NDST3: variants seen among roughly 807,000 people sequenced by gnomAD.
NDST3 encodes the protein N-deacetylase and N-sulfotransferase 3.
NDST3 carries 58 observed loss-of-function variants against 96.1 expected under a neutral mutation model. The observed-to-expected ratio is 0.60, with a 90% confidence interval of 0.49 to 0.75. The LOEUF (loss-of-function observed/expected upper bound fraction) is 0.75. Ranked by LOEUF, NDST3 falls within the 30% of genes least tolerant of loss-of-function variation. NDST3 has a pLI of 0.00. For synonymous variants in NDST3, 333 were observed against 359.7 expected, an observed-to-expected ratio of 0.93 and a Z score of 0.84; for missense variants, 788 against 1,034.2, an observed-to-expected ratio of 0.76 and a Z score of 3.27.
intron 4 of NDST3, among the ~76,000 whole-genome samples, chr4:118,127,685 G>A (rs907315302): frequency 6.6e-6 from 1 of 151,792 alleles, no homozygotes; most frequent in African/African-American, 2.4e-5. Context: ...GATCTTCTGT[G>A]GTTCCATATA....
At chr4:118,111,693 T>A (rs368859657) in intron 3 of NDST3, among the ~76,000 whole-genome samples, 1 of 152,120 alleles carries the variant, frequency 6.6e-6, no homozygotes, top group Non-Finnish European at 1.5e-5. Context: ...CCCGCCACCA[T>A]GCCTGGCAAA....
intron 3 of NDST3, among the ~76,000 whole-genome samples, chr4:118,110,217 T>C (rs956892445): frequency 1.3e-5 from 2 of 152,224 alleles, no homozygotes; most frequent in South Asian, 2.1e-4. Context: ...ACCTGTACAT[T>C]CTAATTATAT....
At position 118,067,062 on chromosome 4, in the gene NDST3, T is replaced by C. The variant is rs1188772376; in HGVS notation, c.981+12171T>C. Among the ~76,000 whole-genome samples the C allele has an allele frequency of 3.3e-5, 5 of 150,100 alleles. No individual in the cohort carries two copies. The Admixed American group carries it at 3.4e-4, about 10-fold the overall frequency. ...AGAAAGACAACTTACTTGATATTCT[T>C]GAATAAATGAATTCAAGTGGTTTTG... On this transcript the variant is annotated intron_variant, in intron 2 of 13. Coordinates refer to ENST00000296499, the MANE Select transcript of NDST3 (RefSeq NM_004784.3).
In NDST3 at chr4:118,193,415, G is replaced by A. The variant is rs1737444885; in HGVS notation, c.1540-31076G>A. 3.9e-5 allele frequency: 26 copies of A among 670,214 alleles called. 1 individual carries two copies. The South Asian group carries it at 4.7e-4, about 12-fold the overall frequency. 41.5% of individuals were successfully genotyped at this position (670,214 alleles called of 1,614,324 possible). A position where few individuals can be genotyped will look rare whatever the true frequency, so the allele number is the denominator to read the frequency against. On this transcript the variant is annotated intron_variant, in intron 6 of 13. Coordinates refer to ENST00000296499, the MANE Select transcript of NDST3 (RefSeq NM_004784.3). ...GCTGGTGGAGAGGGGCTATGCTTCT[G>A]TCTCCACTTGAGACTGGCTCTCTGT...
intron 6 of NDST3, among the ~76,000 whole-genome samples, chr4:118,185,669 G>A (rs1268018512): frequency 6.6e-6 from 1 of 152,108 alleles, no homozygotes; most frequent in Non-Finnish European, 1.5e-5. Context: ...GGAAAGTGAT[G>A]TACAGAACAT....
rs145545952 is a variant in NDST3 at position 118,057,261 on chromosome 4, C to T, written c.981+2370C>T. 6.6e-5 allele frequency among the ~76,000 whole-genome samples: 10 copies of T among 152,024 alleles called. No individual in the cohort carries two copies. In the East Asian group the frequency reaches 1.9e-3, roughly 29 times the overall value. ...TGATAATTGTTGATGATGTGAACAA[C>T]AGTAAGTAAGAGGATCATAGTGAAG... On this transcript the variant is annotated intron_variant, in intron 2 of 13. Transcript: ENST00000296499.
At chr4:118,075,832 C>T (rs967394384) in intron 2 of NDST3, among the ~76,000 whole-genome samples, 2 of 151,962 alleles carry the variant, frequency 1.3e-5, no homozygotes, top group Non-Finnish European at 2.9e-5. Flanking sequence ...GCAAAAATTT[C>T]CTCCCATTCT....
At chr4:118,193,580 C>T (rs2125968497) in intron 6 of NDST3, 1 of 1,137,648 alleles carries the variant, frequency 8.8e-7, no homozygotes, top group Non-Finnish European at 1.3e-6. Context: ...AAGCTGCCTG[C>T]AGATCTGCTG....
In NDST3 at chr4:118,256,070, G is replaced by C. The variant is rs1374612224; in HGVS notation, c.*358G>C. 1 of 154,904 alleles carries C rather than the reference G, an allele frequency of 6.5e-6. No homozygotes were observed. Among genetic ancestry groups the C allele is most frequent in the Non-Finnish European group, 1.4e-5 (1 of 70,062 alleles). The allele number at this position is 154,904 out of a possible 1,614,324, so 9.6% of individuals were successfully genotyped here. A position where few individuals can be genotyped will look rare whatever the true frequency, so the allele number is the denominator to read the frequency against. ...ATCAACTAAGATTGTGTCTCTGTAG[G>C]TTTTTAGACCACTGTTTGCCTGTAC... On this transcript the variant is annotated 3_prime_UTR_variant, in exon 14 of 14. Transcript: ENST00000296499.
At chr4:118,136,058 C>T (rs1038586316) in intron 4 of NDST3, among the ~76,000 whole-genome samples, 1 of 152,162 alleles carries the variant, frequency 6.6e-6, no homozygotes, top group African/African-American at 2.4e-5. Context: ...GCTGACTACT[C>T]GCCGTTATTG....
chr4:118,233,000 T>C lies in NDST3; in HGVS notation c.1820-12T>C, dbSNP rs775132385. 3.7e-6 allele frequency: 6 copies of C among 1,608,126 alleles called. No homozygotes were observed. Among genetic ancestry groups the C allele is most frequent in the Admixed American group, 1.7e-5 (1 of 59,522 alleles). ...CATTTAATTAATTTCTGAACCTCTA[T>C]TGTCTTTCTAGGTACCACTGCTTTG... On this transcript the variant is annotated splice_polypyrimidine_tract_variant and intron_variant, in intron 8 of 13. Transcript: ENST00000296499.
rs755065782 is a variant in NDST3, at chr4:118,066,949, T to TTA, written c.981+12073_981+12074dup. On this transcript the variant is annotated intron_variant, in intron 2 of 13. Coordinates refer to ENST00000296499, the MANE Select transcript of NDST3 (RefSeq NM_004784.3). ...TACATTATATATAACATGTTATATA[T>TTA]TATATATATATATATAGTGCTAGAA... Among the ~76,000 whole-genome samples, 64 of 126,530 alleles carry TTA rather than the reference T, an allele frequency of 5.1e-4. 8 individuals are homozygous for TTA. Among genetic ancestry groups the TTA allele is most frequent in the African/African-American group, 1.7e-3 (57 of 33,512 alleles). 83.0% of individuals were successfully genotyped at this position (126,530 alleles called of 152,430 possible). A position where few individuals can be genotyped will look rare whatever the true frequency, so the allele number is the denominator to read the frequency against.
At chr4:118,180,866 C>T (rs186277247) in intron 6 of NDST3, among the ~76,000 whole-genome samples, 121 of 152,202 alleles carry the variant, frequency 7.9e-4, no homozygotes, top group African/African-American at 2.7e-3. Context: ...AGGAAAGAAA[C>T]GAAATACCTG....
At chr4:118,144,514 A>G (rs1004376006) in intron 6 of NDST3, among the ~76,000 whole-genome samples, 1 of 152,166 alleles carries the variant, frequency 6.6e-6, no homozygotes, top group Non-Finnish European at 1.5e-5. Context: ...CTTGTGTGTC[A>G]GCTCCACAAT....
intron 5 of NDST3, among the ~76,000 whole-genome samples, chr4:118,141,543 A>G (rs1212419920): frequency 6.6e-6 from 1 of 152,188 alleles, no homozygotes; most frequent in African/African-American, 2.4e-5. Context: ...ATAATTTGAG[A>G]AATAGACAAA....
intron 2 of NDST3, among the ~76,000 whole-genome samples, chr4:118,080,038 G>A (rs1043587422): frequency 6.6e-6 from 1 of 152,086 alleles, no homozygotes; most frequent in African/African-American, 2.4e-5. Flanking sequence ...CAAACACTAA[G>A]TTTGCATCCC....
intron 2 of NDST3, among the ~76,000 whole-genome samples, chr4:118,068,545 A>G (rs1458289064): frequency 2.0e-5 from 3 of 152,106 alleles, no homozygotes; most frequent in Non-Finnish European, 4.4e-5. Context: ...GCCAAGAAAC[A>G]TCACTTTAAA....
Position 118,105,010 on chromosome 4 carries a change from T to G in NDST3, c.982-8T>G, listed in dbSNP as rs1367717419. 1 of 1,609,514 alleles carries G rather than the reference T, an allele frequency of 6.2e-7. No homozygotes were observed. The highest frequency in any genetic ancestry group is 2.2e-5 in the East Asian group (1 of 44,756). On this transcript the variant is annotated splice_polypyrimidine_tract_variant and splice_region_variant and intron_variant, in intron 2 of 13. Transcript: ENST00000296499. ...TACCTGATACATTTTTTAAATTATG[T>G]ATTTCAGGCCCTGCTTGATACTCAG...
intron 6 of NDST3, among the ~76,000 whole-genome samples, chr4:118,159,339 G>A (rs994259406): frequency 5.9e-5 from 9 of 152,162 alleles, no homozygotes; most frequent in Middle Eastern, 3.2e-3. Flanking sequence ...AAATCAACCA[G>A]TAAATCCCTC....
Sources: allele counts gnomAD v4.1 joint callset (sites outside exome capture counted in the v4.1 genomes callset), GRCh38; gene constraint gnomAD v4.1.1; transcripts MANE v1.5; gene names NCBI Gene and HGNC (gene_info 2026-07-23, HGNC 2026-07-21).